Variants in SOS2 observed in about 807,000 individuals in gnomAD.
The protein encoded by SOS2 is SOS Ras/Rho guanine nucleotide exchange factor 2, also known as son of sevenless homolog 2.
SOS2 carries 65 observed loss-of-function variants against 148.2 expected under a neutral mutation model. The observed-to-expected ratio is 0.44, with a 90% CI of 0.36 to 0.54. SOS2 has a LOEUF of 0.54. Among genes scored for constraint, SOS2 ranks in the 20% least tolerant of loss-of-function variants. The pLI is 0.00. For synonymous variants in SOS2, 539 were observed against 537.1 expected (o/e 1.00, Z -0.05); for missense variants, 1,341 against 1,590.2 (o/e 0.84, Z 2.67).
chr14:50,153,344 T>C (rs1319334238), intron 12 of SOS2, among the ~76,000 whole-genome samples, 171 bp from the exon 13 acceptor site: 1 of 152,026 alleles, frequency 6.6e-6, no homozygotes, highest in Non-Finnish European at 1.5e-5. Context: ...AAGAGGAGAG[T>C]AGGTCTCCAA....
At chr14:50,124,071 G>A (rs1883609213) in intron 21 of SOS2, among the ~76,000 whole-genome samples, 1 of 152,156 alleles carries the variant, frequency 6.6e-6, no homozygotes, top group Non-Finnish European at 1.5e-5. Context: ...GTTTCAGACA[G>A]GTAAGGTTTG....
At chr14:50,155,751 G>A (rs1360757572) in intron 12 of SOS2, 1 of 152,050 alleles carries the variant, frequency 6.6e-6, no homozygotes, top group Non-Finnish European at 1.5e-5. Flanking sequence ...CAAATGCTTA[G>A]AAATACATAA....
chr14:50,216,969 T>A (rs1054890443), intron 1 of SOS2, among the ~76,000 whole-genome samples: 7 of 152,124 alleles, frequency 4.6e-5, no homozygotes, highest in African/African-American at 1.7e-4. Context: ...TAAAACATTC[T>A]CATGGAAATA....
intron 8 of SOS2, among the ~76,000 whole-genome samples, chr14:50,173,919 C>T (rs920679032): frequency 6.6e-6 from 1 of 151,990 alleles, no homozygotes; most frequent in African/African-American, 2.4e-5. Context: ...TAGAGTTGCC[C>T]TCTAATATTG....
chr14:50,136,748 C>A lies in SOS2; in HGVS notation c.2958+1864G>T, dbSNP rs557119286. Among the ~76,000 whole-genome samples, 4 of 152,212 alleles carry A rather than the reference C, an allele frequency of 2.6e-5. No individual in the cohort carries two copies. The South Asian group carries it at 8.3e-4, about 32-fold the overall frequency. On this transcript the variant is annotated intron_variant, in intron 18 of 22. Transcript: ENST00000216373. ...GGGATTACAAGCACGTGCCACCACACCCAGCGAATTTTTGTATTTTTAGTG... is the reference window on the plus strand; with the variant it reads ...GGGATTACAAGCACGTGCCACCACAACCAGCGAATTTTTGTATTTTTAGTG...
chr14:50,145,462 T>A lies in SOS2; in HGVS notation c.2504+15A>T, dbSNP rs1229882260. ...TATGGCTATTAGGAGGTAGTAAGAG[T>A]AAATTAAAACTTACTTTTCAAACCA... On this transcript the variant is annotated intron_variant, in intron 15 of 22. Coordinates refer to ENST00000216373, the MANE Select transcript of SOS2 (RefSeq NM_006939.4). The A allele has an allele frequency of 6.3e-7, 1 of 1,593,520 alleles. No homozygotes were observed. Among genetic ancestry groups the A allele is most frequent in the Non-Finnish European group, 8.6e-7 (1 of 1,168,648 alleles).
chr14:50,190,418 G>A (rs933047723), intron 4 of SOS2, among the ~76,000 whole-genome samples: 2 of 152,134 alleles, frequency 1.3e-5, no homozygotes, highest in African/African-American at 4.8e-5. Context: ...TGCTAATAAA[G>A]TAAACATGAA....
intron 8 of SOS2, among the ~76,000 whole-genome samples, chr14:50,162,813 CTCTTG>C (rs1885052116): frequency 6.6e-6 from 1 of 151,808 alleles, no homozygotes; most frequent in South Asian, 2.1e-4. Context: ...CCAAAATGTT[CTCTTG>C]TATTTCACTC....
rs1304203757 is a variant in SOS2, at chr14:50,159,765, A to C, written c.1518T>G (p.Cys506Trp). 6.2e-7 allele frequency: 1 copy of C among 1,613,854 alleles called. No individual in the cohort carries two copies. The highest frequency in any genetic ancestry group is 1.3e-5 in the African/African-American group (1 of 74,916). The change falls in exon 10 of 23, where the codon TGT becomes TGG. Residue 506 changes from cysteine to tryptophan, a missense_variant. Around this residue, in one of 4 missense-constraint regions of SOS2, gnomAD observed 574 missense variants for 711.1 expected, o/e 0.81. Coordinates refer to ENST00000216373, the MANE Select transcript of SOS2 (RefSeq NM_006939.4). Reference protein sequence around the residue: ...KIQICDKEDTCEHKHAFELVS... With the variant: ...KIQICDKEDTWEHKHAFELVS... The stretch of plus-strand genomic sequence containing the variant: ...CTAATTCAAATGCATGCTTGTGCTC[A>C]CAAGTATCTTCTTTATCACAAATTT...
intron 18 of SOS2, among the ~76,000 whole-genome samples, chr14:50,136,273 G>A (rs1326351762): frequency 6.6e-6 from 1 of 152,132 alleles, no homozygotes; most frequent in Non-Finnish European, 1.5e-5. Context: ...AAAGTGAATA[G>A]CTACTTTGTC....
At chr14:50,202,364 A>G (rs988061934) in intron 2 of SOS2, among the ~76,000 whole-genome samples, 1 of 152,216 alleles carries the variant, frequency 6.6e-6, no homozygotes, top group Non-Finnish European at 1.5e-5. Context: ...TCCTATATTT[A>G]TAGTTATAGT....
In SOS2 at chr14:50,170,634, C is replaced by T. The variant is rs143244773; in HGVS notation, c.1068+3820G>A. ...GCTGCAGTAAGCCATGATTGTATCACTGCATTCCAGCCTGGGTAACAGAGC... is the reference window on the plus strand; with the variant it reads ...GCTGCAGTAAGCCATGATTGTATCATTGCATTCCAGCCTGGGTAACAGAGC... On this transcript the variant is annotated intron_variant, in intron 8 of 22. Transcript: ENST00000216373. 1.3e-3 allele frequency among the ~76,000 whole-genome samples: 193 copies of T among 152,162 alleles called. 5 individuals are homozygous for T. The East Asian group carries it at 0.033, about 26-fold the overall frequency.
intron 12 of SOS2, among the ~76,000 whole-genome samples, chr14:50,153,575 G>A (rs999504936): frequency 6.6e-6 from 1 of 152,110 alleles, no homozygotes; most frequent in Non-Finnish European, 1.5e-5. Context: ...CAACTAAGAT[G>A]TACTGTATCT....
chr14:50,217,944 G>T (rs1193581330), intron 1 of SOS2, among the ~76,000 whole-genome samples: 1 of 151,370 alleles, frequency 6.6e-6, no homozygotes, highest in Admixed American at 6.6e-5. Context: ...GACAGAGCGA[G>T]ACTCTGTCTC....
intron 8 of SOS2, among the ~76,000 whole-genome samples, chr14:50,167,092 T>C (rs1227421839): frequency 6.6e-6 from 1 of 151,992 alleles, no homozygotes; most frequent in Non-Finnish European, 1.5e-5. Context: ...CCCGTGATCA[T>C]ATTTCTTTAC....
chr14:50,191,622 T>G (rs1243417079), intron 4 of SOS2, among the ~76,000 whole-genome samples: 1 of 152,124 alleles, frequency 6.6e-6, no homozygotes, highest in African/African-American at 2.4e-5. Flanking sequence ...TTTGGTCACA[T>G]AATACCAAAG....
chr14:50,172,981 T>A (rs948606438), intron 8 of SOS2, among the ~76,000 whole-genome samples: 2 of 152,164 alleles, frequency 1.3e-5, no homozygotes, highest in Admixed American at 6.5e-5. Flanking sequence ...TTCCCACATA[T>A]CTTGCTCAGT....
chr14:50,207,479 C>A (rs929211202), intron 1 of SOS2, among the ~76,000 whole-genome samples: 1 of 151,910 alleles, frequency 6.6e-6, no homozygotes, highest in African/African-American at 2.4e-5. Flanking sequence ...CCACTGCGCT[C>A]CAGCCTGGGG....
intron 4 of SOS2, among the ~76,000 whole-genome samples, chr14:50,198,196 G>C (rs2139773827): frequency 6.6e-6 from 1 of 152,144 alleles, no homozygotes; most frequent in Non-Finnish European, 1.5e-5. Context: ...TTCATTTCCT[G>C]GATTTTGACT....
Sources: gnomAD v4.1 joint callset for allele counts (sites outside exome capture counted in the v4.1 genomes callset) on GRCh38, gnomAD v4.1.1 for gene constraint, gnomAD v4.1.1 regional missense constraint, MANE v1.5 for transcripts, NCBI Gene and HGNC (gene_info 2026-07-23, HGNC 2026-07-21) for gene names.